BYSL: variants seen among roughly 807,000 people sequenced by gnomAD.
BYSL encodes bystin.
Under a neutral mutation model 45.4 loss-of-function variants are expected in BYSL, and 21 were observed. The ratio of observed to expected loss-of-function variants is 0.46; its 90% CI spans 0.33 to 0.67. The LOEUF is 0.67. BYSL is among the 30% of genes least tolerant of loss of function. The pLI is 0.02. For synonymous variants in BYSL, 215 were observed against 231.3 expected (o/e 0.93, Z 0.64); for missense variants, 522 against 578.5 (o/e 0.90, Z 1.00).
chr6:41,923,573 G>GGC (rs924230645), intron 1 of BYSL, among the ~76,000 whole-genome samples: 1 of 152,174 alleles, frequency 6.6e-6, no homozygotes, highest in African/African-American at 2.4e-5. Flanking sequence ...TGGGATTACA[G>GGC]GCGTGAGCCA....
upstream of BYSL, among the ~76,000 whole-genome samples, chr6:41,920,506 A>T (rs951344849): frequency 2.0e-5 from 3 of 152,216 alleles, no homozygotes; most frequent in Non-Finnish European, 4.4e-5. Flanking sequence ...GGGAAGGAAG[A>T]TGTATCCAGA....
At chr6:41,920,923 G>C (rs982629895), upstream of BYSL, 11 of 1,544,644 alleles carry the variant, frequency 7.1e-6, no homozygotes, top group African/African-American at 8.3e-5. Flanking sequence ...AGCTCCCAGA[G>C]GACGGCGGAC....
intron 1 of BYSL, among the ~76,000 whole-genome samples, chr6:41,925,751 G>GCTCACCTCAC (rs1775555620): frequency 6.6e-6 from 1 of 150,890 alleles, no homozygotes. Flanking sequence ...CGCGATCTCG[G>GCTCACCTCAC]CTCACCTCAC....
At chr6:41,920,921 G>A, upstream of BYSL, 2 of 1,539,640 alleles carry the variant, frequency 1.3e-6, no homozygotes, top group South Asian at 1.2e-5. Context: ...TCAGCTCCCA[G>A]AGGACGGCGG....
At chr6:41,915,854 C>T in the BYSL span, among the ~76,000 whole-genome samples, 2 of 151,428 alleles carry the variant, frequency 1.3e-5, no homozygotes, top group African/African-American at 2.4e-5. Context: ...TGTTTAGTAC[C>T]TTGGTTTTGG....
intron 1 of BYSL, among the ~76,000 whole-genome samples, chr6:41,926,817 G>A (rs186999107): frequency 4.0e-5 from 6 of 151,128 alleles, no homozygotes; most frequent in Admixed American, 6.6e-5. Flanking sequence ...TCTACAGGCC[G>A]GGAACAGTGG....
chr6:41,930,432 C>G, intron 3 of BYSL, 162 bp downstream of exon 3: 1 of 1,230,496 alleles, frequency 8.1e-7, no homozygotes, highest in Non-Finnish European at 1.1e-6. Flanking sequence ...CCTGCTCTGC[C>G]TGTAAATGAC....
chr6:41,920,802 T>C (rs188074438), upstream of BYSL: 441 of 540,290 alleles, frequency 8.2e-4, 6 homozygotes, highest in East Asian at 0.012. Flanking sequence ...AAAAAAACCT[T>C]TGCTTTCCCG....
intron 2 of BYSL, 62 bp from the exon 3 acceptor site, chr6:41,930,070 G>A: frequency 6.2e-7 from 1 of 1,600,856 alleles, no homozygotes; most frequent in Non-Finnish European, 8.5e-7. Context: ...GGAGCTTCCT[G>A]GACAGTGACC....
At position 41,932,999 on chromosome 6, in the gene BYSL, A is replaced by G. The variant is rs1310917258; in HGVS notation, c.*293A>G. On this transcript the variant is annotated 3_prime_UTR_variant, in exon 7 of 7. Coordinates refer to ENST00000230340, the MANE Select transcript of BYSL (RefSeq NM_004053.4). The surrounding 1 kb of genome is among the most constrained non-coding windows in gnomAD (Gnocchi z 4.7). ...TGGTGTGAGTACTTTTTCTATGGCT[A>G]TTGTGTCAGGTCACTGTGGATAAAG... 2.0e-5 allele frequency: 8 copies of G among 408,536 alleles called. No individual in the cohort carries two copies. The highest frequency in any genetic ancestry group is 9.0e-5 in the East Asian group (2 of 22,342). 25.3% of individuals were successfully genotyped at this position (408,536 alleles called of 1,614,324 possible). A position where few individuals can be genotyped will look rare whatever the true frequency, so the allele number is the denominator to read the frequency against.
At chr6:41,908,978 T>G in the BYSL span, 1 of 428,242 alleles carries the variant, frequency 2.3e-6, no homozygotes. Flanking sequence ...AGCCCAGGAG[T>G]CTGAGATCAG....
upstream of BYSL, among the ~76,000 whole-genome samples, chr6:41,919,808 G>A (rs1355425366): frequency 3.9e-5 from 6 of 152,116 alleles, no homozygotes; most frequent in Admixed American, 3.9e-4. Flanking sequence ...AGGGTTCTAC[G>A]CTGCATCCTT....
chr6:41,930,453 T>TG, intron 3 of BYSL, 182 bp from the exon 4 acceptor site: 1 of 1,211,882 alleles, frequency 8.3e-7, no homozygotes, highest in Non-Finnish European at 1.1e-6. Flanking sequence ...TTGGCATCCT[T>TG]GGGTCGGTTA....
chr6:41,910,739 T>G, the BYSL span, among the ~76,000 whole-genome samples: 6 of 151,868 alleles, frequency 4.0e-5, no homozygotes, highest in South Asian at 1.2e-3. Context: ...GCTTATTACA[T>G]ATATAAGCCA....
chr6:41,918,969 A>T (rs1775388820), upstream of BYSL, among the ~76,000 whole-genome samples: 1 of 144,842 alleles, frequency 6.9e-6, no homozygotes, highest in South Asian at 2.2e-4. Flanking sequence ...AAAAAAAAAA[A>T]TACAAAAAAA....
rs751441693 is a variant in BYSL at position 41,927,438 on chromosome 6, T to A, written c.333T>A (p.Ala111=). The A allele has an allele frequency of 2.5e-6, 4 of 1,614,190 alleles. No homozygotes were observed. Among genetic ancestry groups the A allele is most frequent in the Non-Finnish European group, 3.4e-6 (4 of 1,180,028 alleles). Residue 111 remains alanine, a synonymous_variant, in exon 2 of 7, where the codon GCT becomes GCA. Transcript: ENST00000230340. ...AGGAGTGGCCCACCCTGGAGAAGGCTGCCACAATGACAGCAGCGGGCCATC... is the reference window on the plus strand; with the variant it reads ...AGGAGTGGCCCACCCTGGAGAAGGCAGCCACAATGACAGCAGCGGGCCATC... ...EDEEWPTLEK[A]ATMTAAGHHA... is the part of the protein sequence containing the mutation.
chr6:41,916,806 C>A (rs140526856), upstream of BYSL: 667 of 1,613,898 alleles, frequency 4.1e-4, no homozygotes, highest in Non-Finnish European at 5.2e-4. Flanking sequence ...AGGGTAGAGG[C>A]GGCCGTATGG....
At chr6:41,925,127 G>C (rs1215373754) in intron 1 of BYSL, among the ~76,000 whole-genome samples, 1 of 152,152 alleles carries the variant, frequency 6.6e-6, no homozygotes, top group African/African-American at 2.4e-5. Flanking sequence ...GAGACACCTG[G>C]AGTTAGGGTC....
At chr6:41,929,962 GTC>G (rs1408955146) in intron 2 of BYSL, among the ~76,000 whole-genome samples, 168 bp from the exon 3 acceptor site, 15 of 152,234 alleles carry the variant, frequency 9.9e-5, no homozygotes. Context: ...CAGTGATTCT[GTC>G]TGTGGTGGAT....
Sources: gnomAD v4.1 joint callset for allele counts (sites outside exome capture counted in the v4.1 genomes callset) on GRCh38, gnomAD v4.1.1 for gene constraint, Gnocchi (gnomAD v3.1) non-coding constraint, MANE v1.5 for transcripts, NCBI Gene and HGNC (gene_info 2026-07-23, HGNC 2026-07-21) for gene names.